Variants in TCF4 observed in about 807,000 individuals in gnomAD.
TCF4 encodes the protein SL3-3 enhancer factor 2.
Under a neutral mutation model 82.1 loss-of-function variants are expected in TCF4, and 3 were observed. That is an observed-to-expected ratio of 0.04 (90% confidence interval 0.02 to 0.09). The LOEUF is 0.09. Among genes scored for constraint, TCF4 ranks in the 10% least tolerant of loss-of-function variants. TCF4 has a pLI of 1.00. For synonymous variants in TCF4, 276 were observed against 309.6 expected (o/e 0.89, Z 1.14); for missense variants, 518 against 852.7 (o/e 0.61, Z 4.89).
intron 8 of TCF4, among the ~76,000 whole-genome samples, chr18:55,337,325 A>T (rs1297965597): frequency 6.6e-6 from 1 of 152,176 alleles, no homozygotes; most frequent in African/African-American, 2.4e-5. Context: ...GAGGGGAATA[A>T]ATAGTATTTG....
intron 6 of TCF4, among the ~76,000 whole-genome samples, chr18:55,380,587 T>C (rs573342625): frequency 3.9e-5 from 6 of 152,190 alleles, no homozygotes; most frequent in African/African-American, 9.6e-5. Flanking sequence ...GGAGTGGGGA[T>C]AGGACACAAA....
intron 2 of TCF4, among the ~76,000 whole-genome samples, chr18:55,624,785 G>A (rs1439302235): frequency 6.6e-6 from 1 of 152,052 alleles, no homozygotes; most frequent in Non-Finnish European, 1.5e-5. Context: ...AACTCCTTGA[G>A]ATAGCCATCT....
At chr18:55,256,813 A>G (rs2056959086) in intron 14 of TCF4, among the ~76,000 whole-genome samples, 1 of 152,154 alleles carries the variant, frequency 6.6e-6, no homozygotes, top group Admixed American at 6.6e-5. Context: ...ATTTATAATA[A>G]TTAACTACAT....
At chr18:55,425,537 T>G (rs1328970688) in intron 5 of TCF4, among the ~76,000 whole-genome samples, 1 of 150,474 alleles carries the variant, frequency 6.6e-6, no homozygotes, top group Admixed American at 6.6e-5. Context: ...ACAGAAAACA[T>G]ATTAACATCT....
intron 5 of TCF4, among the ~76,000 whole-genome samples, chr18:55,451,183 C>T (rs2095615854): frequency 6.6e-6 from 1 of 152,208 alleles, no homozygotes; most frequent in Admixed American, 6.5e-5. Context: ...AAAATTGCTA[C>T]CACCCAAAAC....
At chr18:55,572,297 C>G (rs563214041) in intron 3 of TCF4, among the ~76,000 whole-genome samples, 1 of 152,294 alleles carries the variant, frequency 6.6e-6, no homozygotes, top group South Asian at 2.1e-4. Context: ...ATATTCTGTT[C>G]TTCAACTTCA....
upstream of TCF4, chr18:55,591,348 G>A (rs1168174376): frequency 6.6e-6 from 1 of 152,232 alleles, no homozygotes; most frequent in African/African-American, 2.4e-5. Flanking sequence ...CAAACGTTGG[G>A]TTAGGAGAAA....
intron 8 of TCF4, among the ~76,000 whole-genome samples, chr18:55,326,622 C>T (rs934428917): frequency 1.3e-5 from 2 of 151,996 alleles, no homozygotes; most frequent in African/African-American, 4.8e-5. Context: ...TGTGTTAGTA[C>T]TCAAATCTAT....
chr18:55,445,084 A>G (rs1348788572), intron 5 of TCF4, among the ~76,000 whole-genome samples: 1 of 152,170 alleles, frequency 6.6e-6, no homozygotes, highest in African/African-American at 2.4e-5. Context: ...CTTGCCCTCA[A>G]GTTGCCTCCT....
At chr18:55,265,493 G>C (rs1022945974) in intron 11 of TCF4, 1 of 152,148 alleles carries the variant, frequency 6.6e-6, no homozygotes, top group African/African-American at 2.4e-5. Context: ...TGGGCTTCCT[G>C]ATCGTGCACA....
At chr18:55,520,361 T>C (rs2146482619) in intron 3 of TCF4, among the ~76,000 whole-genome samples, 1 of 152,298 alleles carries the variant, frequency 6.6e-6, no homozygotes, top group Non-Finnish European at 1.5e-5. Flanking sequence ...TAAATATAGA[T>C]ATGTATATAT....
chr18:55,552,357 A>G (rs2097267496), intron 3 of TCF4, among the ~76,000 whole-genome samples: 2 of 152,240 alleles, frequency 1.3e-5, no homozygotes, highest in Non-Finnish European at 2.9e-5. Flanking sequence ...GACATGTATG[A>G]CATGGGAAAG....
intron 6 of TCF4, chr18:55,384,129 C>T (rs1290460085): frequency 6.6e-6 from 1 of 152,200 alleles, no homozygotes; most frequent in East Asian, 1.9e-4. Flanking sequence ...CTGATCTCTT[C>T]AATTATGCTG....
chr18:55,321,209 G>C (rs1221293304), intron 8 of TCF4: 1 of 188,196 alleles, frequency 5.3e-6, no homozygotes, highest in Non-Finnish European at 1.1e-5. Context: ...TTCCAACTTA[G>C]TAAGACTTTA....
intron 5 of TCF4, among the ~76,000 whole-genome samples, chr18:55,421,315 A>G (rs1357435304): frequency 6.6e-6 from 1 of 152,242 alleles, no homozygotes; most frequent in Non-Finnish European, 1.5e-5. Flanking sequence ...TTAACAAGGA[A>G]TGAAACCCAG....
At chr18:55,499,195 T>C (rs1383036933) in intron 3 of TCF4, among the ~76,000 whole-genome samples, 1 of 152,218 alleles carries the variant, frequency 6.6e-6, no homozygotes, top group Non-Finnish European at 1.5e-5. Context: ...TGGATGCTCC[T>C]TCCTTTGCTA....
At chr18:55,623,347 G>T (rs1032983421) in intron 2 of TCF4, among the ~76,000 whole-genome samples, 4 of 151,998 alleles carry the variant, frequency 2.6e-5, no homozygotes, top group Admixed American at 6.6e-5. Flanking sequence ...AACAAAAATA[G>T]TTCTTAAAGC....
intron 6 of TCF4, among the ~76,000 whole-genome samples, chr18:55,376,642 A>C (rs998102874): frequency 6.6e-6 from 1 of 152,178 alleles, no homozygotes; most frequent in Non-Finnish European, 1.5e-5. Context: ...TCATAGTTTC[A>C]GTTCTCTTCC....
chr18:55,583,619 G>C (rs944763172), intron 3 of TCF4, among the ~76,000 whole-genome samples: 1 of 151,942 alleles, frequency 6.6e-6, no homozygotes, highest in Non-Finnish European at 1.5e-5. Context: ...TATTCTAAAT[G>C]CATATTTTCA....
Sources: allele counts gnomAD v4.1 joint callset (sites outside exome capture counted in the v4.1 genomes callset), GRCh38; gene constraint gnomAD v4.1.1; transcripts MANE v1.5; gene names NCBI Gene and HGNC (gene_info 2026-07-23, HGNC 2026-07-21).